The following DYSF variants were observed in gnomAD, a reference collection of about 807,000 sequenced individuals.
DYSF encodes dystrophy-associated fer-1-like 1.
In DYSF, 212 loss-of-function variants were observed where a neutral mutation model predicts 274.9. That is an observed-to-expected ratio of 0.77 (90% CI 0.69 to 0.86). The LOEUF is 0.86. Among genes scored for constraint, DYSF ranks in the 40% least tolerant of loss-of-function variants. The probability of loss-of-function intolerance (pLI) is 0.00; values close to 1 mark genes in which losing one functional copy is unlikely to be tolerated. For synonymous variants in DYSF, 1,091 were observed against 1,078.7 expected (o/e 1.01, Z -0.22); for missense variants, 2,666 against 2,783.2 (o/e 0.96, Z 0.95).
chr2:71,486,823 CT>C (rs367990475), intron 3 of DYSF, among the ~76,000 whole-genome samples: 26 of 152,300 alleles, frequency 1.7e-4, no homozygotes, highest in African/African-American at 6.0e-4. Flanking sequence ...GCGGGTGGTC[CT>C]GGGATCCTGT....
intron 38 of DYSF, 145 bp downstream of exon 38, chr2:71,611,771 G>C: frequency 8.9e-7 from 1 of 1,123,162 alleles, no homozygotes; most frequent in Non-Finnish European, 1.3e-6. Flanking sequence ...GGGGAGAAAT[G>C]CTCATACCCT....
chr2:71,486,408 GC>G (rs2083366842), intron 3 of DYSF, among the ~76,000 whole-genome samples: 1 of 151,590 alleles, frequency 6.6e-6, no homozygotes, highest in African/African-American at 2.4e-5. Context: ...TCCTTCCTGT[GC>G]CCCTCCTTTT....
chr2:71,608,136 C>T (rs1035095514), intron 36 of DYSF, among the ~76,000 whole-genome samples: 4 of 151,738 alleles, frequency 2.6e-5, no homozygotes, highest in East Asian at 3.9e-4. Flanking sequence ...GACAAATTTC[C>T]GGGGAGGGGT....
chr2:71,670,370 T>G (rs866312784), intron 51 of DYSF, among the ~76,000 whole-genome samples: 22 of 152,158 alleles, frequency 1.4e-4, no homozygotes, highest in South Asian at 1.2e-3. Context: ...GCAGACCCCA[T>G]GGGGGAGCTT....
In DYSF at chr2:71,613,348, C is replaced by T. The variant is rs2093810647; in HGVS notation, c.4402C>T (p.Leu1468Phe). 1 of 1,613,272 alleles carries T rather than the reference C, an allele frequency of 6.2e-7. No individual in the cohort carries two copies. The highest frequency in any genetic ancestry group is 8.5e-7 in the Non-Finnish European group (1 of 1,179,742). Residue 1468 changes from leucine to phenylalanine, a missense_variant, in exon 40 of 56, where the codon CTC (leucine) becomes TTC (phenylalanine). Transcript: ENST00000410020. Reference sequence around the variant, plus strand: ...CTCCCCTGCAGACGATGTGAGCCTACTCAGTCCTGGGGAAGACGTGCTCAT... The same window carrying T: ...CTCCCCTGCAGACGATGTGAGCCTATTCAGTCCTGGGGAAGACGTGCTCAT... ...PQGGPDDVSL[L>F]SPGEDVLIDI...
intron 29 of DYSF, among the ~76,000 whole-genome samples, chr2:71,573,247 A>G (rs1292254945): frequency 4.6e-5 from 7 of 152,194 alleles, no homozygotes; most frequent in Non-Finnish European, 1.0e-4. Flanking sequence ...TGGTGCTGTG[A>G]ACCAGACAGA....
intron 42 of DYSF, among the ~76,000 whole-genome samples, chr2:71,648,464 A>T (rs1444230037): frequency 2.0e-5 from 3 of 152,228 alleles, no homozygotes; most frequent in African/African-American, 4.8e-5. Context: ...CAAAGAGAAA[A>T]TGACAGATAT....
intron 41 of DYSF, among the ~76,000 whole-genome samples, chr2:71,621,240 C>T (rs757657994): frequency 2.0e-5 from 3 of 152,066 alleles, no homozygotes; most frequent in Non-Finnish European, 2.9e-5. Context: ...GAGCCCCTGA[C>T]CTGTGGAGGG....
intron 14 of DYSF, among the ~76,000 whole-genome samples, chr2:71,530,534 G>A (rs1448811277): frequency 2.6e-5 from 4 of 152,168 alleles, no homozygotes; most frequent in Non-Finnish European, 5.9e-5. Flanking sequence ...GGCAGCCAAG[G>A]CAAGGCACTG....
At chr2:71,616,561 C>G (rs1049261528) in intron 40 of DYSF, among the ~76,000 whole-genome samples, 7 of 151,982 alleles carry the variant, frequency 4.6e-5, no homozygotes, top group African/African-American at 1.7e-4. Flanking sequence ...TTGGTGGTGG[C>G]ATTGCAGGAA....
chr2:71,656,115 C>T (rs1389268649), intron 42 of DYSF, 47 bp from the exon 43 acceptor site: 3 of 1,612,706 alleles, frequency 1.9e-6, no homozygotes, highest in South Asian at 1.1e-5. Flanking sequence ...TGTTGTTCTA[C>T]TTTCTTTCTG....
intron 1 of DYSF, among the ~76,000 whole-genome samples, chr2:71,473,341 C>T (rs1168473751): frequency 6.6e-6 from 1 of 152,220 alleles, no homozygotes; most frequent in Non-Finnish European, 1.5e-5. Flanking sequence ...ATTTCTGTCA[C>T]TTTCTTGGTC....
intron 1 of DYSF, among the ~76,000 whole-genome samples, chr2:71,459,105 G>C (rs2081183191): frequency 6.6e-6 from 1 of 152,186 alleles, no homozygotes; most frequent in Non-Finnish European, 1.5e-5. Context: ...TGTGAAGGGA[G>C]AGGGAAGAAG....
intron 16 of DYSF, among the ~76,000 whole-genome samples, chr2:71,535,826 C>T (rs189669358): frequency 4.2e-4 from 64 of 152,246 alleles, no homozygotes; most frequent in African/African-American, 1.4e-3. Flanking sequence ...AGCTCACGGG[C>T]GTCTTAGAAA....
exon 1 of DYSF, chr2:71,453,966 CCCTGG>C (rs1400951090): frequency 6.2e-7 from 1 of 1,611,894 alleles, no homozygotes; most frequent in Non-Finnish European, 8.5e-7. Context: ...CCTCTTTGCG[CCCTGG>C]GCGCACGGGG....
intron 42 of DYSF, among the ~76,000 whole-genome samples, chr2:71,650,882 A>G (rs2094645717): frequency 6.6e-6 from 1 of 152,224 alleles, no homozygotes; most frequent in Non-Finnish European, 1.5e-5. Context: ...AGCAGCGTTC[A>G]GAGGGAATTT....
intron 35 of DYSF, among the ~76,000 whole-genome samples, chr2:71,601,919 C>T (rs1451604095): frequency 6.6e-6 from 1 of 152,246 alleles, no homozygotes; most frequent in Non-Finnish European, 1.5e-5. Flanking sequence ...TTGAGTCCTA[C>T]TTCAAGCCCA....
chr2:71,503,287 C>T lies in DYSF; in HGVS notation c.313C>T (p.Pro105Ser). 1 of 1,614,158 alleles carries T rather than the reference C, an allele frequency of 6.2e-7. No individual in the cohort carries two copies. The highest frequency in any genetic ancestry group is 8.5e-7 in the Non-Finnish European group (1 of 1,179,996). The change falls in exon 4 of 56, where the codon CCC (proline) becomes TCC (serine). Residue 105 changes from proline to serine, a missense_variant. By Grantham distance (74) the Pro-to-Ser change is moderately conservative. Around this residue, in one of 3 missense-constraint regions of DYSF, gnomAD observed 794 missense variants for 777.1 expected, o/e 1.02. Coordinates refer to ENST00000410020, the MANE Select transcript of DYSF (RefSeq NM_001130987.2). Reference sequence around the variant, plus strand: ...TAGTCTGTCCGCCAGCTTCAATGCCCCCCTGCTGGACACCAAGAAGCAGCC... The same window carrying T: ...TAGTCTGTCCGCCAGCTTCAATGCCTCCCTGCTGGACACCAAGAAGCAGCC... ...TPSLSASFNA[P>S]LLDTKKQPTG...
chr2:71,501,205 T>A (rs141883650), intron 3 of DYSF, among the ~76,000 whole-genome samples: 162 of 152,246 alleles, frequency 1.1e-3, no homozygotes, highest in Middle Eastern at 3.4e-3. Context: ...AAACCCTGGA[T>A]TGAATATTAG....
Sources: gnomAD v4.1 joint callset for allele counts (sites outside exome capture counted in the v4.1 genomes callset) on GRCh38, gnomAD v4.1.1 for gene constraint, gnomAD v4.1.1 regional missense constraint, MANE v1.5 for transcripts, NCBI Gene and HGNC (gene_info 2026-07-23, HGNC 2026-07-21) for gene names.